Variants in ZBTB20 observed in about 807,000 individuals in gnomAD.
ZBTB20 encodes the protein zinc finger and BTB domain-containing protein 20.
Under a neutral mutation model 56.9 loss-of-function variants are expected in ZBTB20, and 9 were observed. The ratio of observed to expected loss-of-function variants is 0.16; its 90% confidence interval spans 0.10 to 0.28. The LOEUF is 0.28. ZBTB20 is among the 10% of genes least tolerant of loss of function. The pLI is 1.00. For missense variants in ZBTB20, 655 were observed against 1,003.0 expected (o/e 0.65, Z 4.69); for synonymous variants, 417 against 420.7 (o/e 0.99, Z 0.11).
chr3:114,779,776 T>G (rs1037271396), intron 5 of ZBTB20, among the ~76,000 whole-genome samples: 4 of 152,142 alleles, frequency 2.6e-5, no homozygotes, highest in African/African-American at 9.7e-5. Flanking sequence ...GAGATACACT[T>G]AGGAATCTTA....
At chr3:114,722,373 A>G (rs1257963480) in intron 5 of ZBTB20, among the ~76,000 whole-genome samples, 1 of 152,242 alleles carries the variant, frequency 6.6e-6, no homozygotes, top group African/African-American at 2.4e-5. Flanking sequence ...CTCTGACAGA[A>G]GAAAATCTGC....
At chr3:114,549,752 CTTTTTTTTTTTTTT>C (rs941074719) in intron 6 of ZBTB20, among the ~76,000 whole-genome samples, 2 of 128,976 alleles carry the variant, frequency 1.6e-5, no homozygotes, top group Non-Finnish European at 3.4e-5. Flanking sequence ...TGACCTTTTT[CTTTTTTTTTTTTTT>C]TTGACTGATG....
chr3:114,778,287 T>C (rs1330492710), intron 5 of ZBTB20, among the ~76,000 whole-genome samples: 9 of 5,356 alleles, frequency 1.7e-3, no homozygotes, highest in Non-Finnish European at 4.6e-3. Flanking sequence ...ATAATACACA[T>C]TCAAAAAAAA....
intron 7 of ZBTB20, among the ~76,000 whole-genome samples, chr3:114,464,270 A>T (rs899175773): frequency 2.0e-5 from 3 of 152,140 alleles, no homozygotes; most frequent in South Asian, 2.1e-4. Context: ...TAATTTTTTT[A>T]AAAAAACATA....
At chr3:115,077,210 T>A (rs973313991) in intron 1 of ZBTB20, among the ~76,000 whole-genome samples, 1 of 152,020 alleles carries the variant, frequency 6.6e-6, no homozygotes, top group African/African-American at 2.4e-5. Context: ...AAACTAATAA[T>A]CCAACTTTTA....
intron 4 of ZBTB20, among the ~76,000 whole-genome samples, chr3:114,815,493 A>C (rs966163299): frequency 6.6e-6 from 1 of 152,222 alleles, no homozygotes; most frequent in Admixed American, 6.5e-5. Flanking sequence ...TCCCCTGCAC[A>C]CAACGAGTAG....
chr3:114,564,945 T>G (rs758439588), intron 6 of ZBTB20, among the ~76,000 whole-genome samples: 2 of 152,192 alleles, frequency 1.3e-5, no homozygotes, highest in Non-Finnish European at 2.9e-5. Flanking sequence ...GTCTTCCTTC[T>G]CTTACCTAAA....
chr3:114,436,188 T>C (rs1299618987), intron 7 of ZBTB20, among the ~76,000 whole-genome samples: 1 of 152,234 alleles, frequency 6.6e-6, no homozygotes, highest in African/African-American at 2.4e-5. Context: ...TAATGCTCCA[T>C]AGCCTCCCTT....
At chr3:114,356,582 C>A in intron 10 of ZBTB20, among the ~76,000 whole-genome samples, 1 of 151,544 alleles carries the variant, frequency 6.6e-6, no homozygotes, top group African/African-American at 2.4e-5. Flanking sequence ...GCCAGAAAGC[C>A]CTTGAGCTTT....
At chr3:114,687,374 A>G (rs1578343883) in intron 6 of ZBTB20, 1 of 152,054 alleles carries the variant, frequency 6.6e-6, no homozygotes, top group Non-Finnish European at 1.5e-5. Context: ...CTAAAAAAAA[A>G]TTAGAGCAGC....
At chr3:114,750,356 G>A (rs2108645719) in intron 5 of ZBTB20, among the ~76,000 whole-genome samples, 1 of 152,226 alleles carries the variant, frequency 6.6e-6, no homozygotes, top group African/African-American at 2.4e-5. Context: ...GCAACACTGA[G>A]CCTCATCGGA....
chr3:114,467,359 T>C (rs1464981350), intron 7 of ZBTB20, among the ~76,000 whole-genome samples: 1 of 152,144 alleles, frequency 6.6e-6, no homozygotes, highest in Non-Finnish European at 1.5e-5. Context: ...CAAACTTACA[T>C]TTTGTGGGCA....
At chr3:114,650,226 T>C (rs199926902) in intron 6 of ZBTB20, among the ~76,000 whole-genome samples, 8,696 of 151,736 alleles carry the variant, frequency 0.057, 331 homozygotes, top group Middle Eastern at 0.15. Flanking sequence ...TATAAAGCAT[T>C]ATTATTAACT....
intron 7 of ZBTB20, among the ~76,000 whole-genome samples, chr3:114,457,071 A>T (rs1329999756): frequency 6.6e-6 from 1 of 152,248 alleles, no homozygotes; most frequent in Non-Finnish European, 1.5e-5. Context: ...GGAATCAGTG[A>T]TTTTGATAAT....
chr3:114,963,442 C>A (rs765170904), intron 3 of ZBTB20, among the ~76,000 whole-genome samples: 1 of 152,076 alleles, frequency 6.6e-6, no homozygotes, highest in Non-Finnish European at 1.5e-5. Flanking sequence ...AAGTAAGGCA[C>A]CTGTTTCAGT....
intron 5 of ZBTB20, among the ~76,000 whole-genome samples, chr3:114,741,824 CA>C (rs911701238): frequency 6.8e-6 from 1 of 147,712 alleles, no homozygotes; most frequent in African/African-American, 2.5e-5. Context: ...GAGGTTGCAG[CA>C]AGCCAAGATT....
At chr3:114,698,550 T>C (rs1297179544) in intron 5 of ZBTB20, among the ~76,000 whole-genome samples, 1 of 152,100 alleles carries the variant, frequency 6.6e-6, no homozygotes, top group Non-Finnish European at 1.5e-5. Flanking sequence ...AGGTCCTTCC[T>C]GTACCTGAGT....
At chr3:115,009,790 C>G (rs957138860) in intron 2 of ZBTB20, among the ~76,000 whole-genome samples, 2 of 151,892 alleles carry the variant, frequency 1.3e-5, no homozygotes, top group Admixed American at 1.3e-4. Context: ...CCATGTGATG[C>G]CTTCTACCAC....
At chr3:114,480,127 A>C (rs1050103564) in intron 7 of ZBTB20, among the ~76,000 whole-genome samples, 2 of 152,158 alleles carry the variant, frequency 1.3e-5, no homozygotes, top group African/African-American at 4.8e-5. Context: ...CTTAAAACCA[A>C]CAATTGGGCT....
Sources: gnomAD v4.1 joint callset for allele counts (sites outside exome capture counted in the v4.1 genomes callset) on GRCh38, gnomAD v4.1.1 for gene constraint, MANE v1.5 for transcripts, NCBI Gene and HGNC (gene_info 2026-07-23, HGNC 2026-07-21) for gene names.